The following AKAP19 variants were observed in gnomAD, a reference collection of about 807,000 sequenced individuals.
The protein encoded by AKAP19 is A-kinase anchoring protein 19.
chr2:189,981,271 GTCT>G, the AKAP19 span, among the ~76,000 whole-genome samples: 1 of 69,434 alleles, frequency 1.4e-5, no homozygotes, highest in East Asian at 5.5e-4. Flanking sequence ...ACCCTTCTTT[GTCT>G]TTTTTTTTTT....
At chr2:190,063,732 C>T in the AKAP19 span, among the ~76,000 whole-genome samples, 3 of 152,068 alleles carry the variant, frequency 2.0e-5, no homozygotes, top group Non-Finnish European at 2.9e-5. Flanking sequence ...TTGCCAATTT[C>T]TCATTTTGAC....
chr2:189,979,936 G>T, the AKAP19 span, among the ~76,000 whole-genome samples: 2 of 152,184 alleles, frequency 1.3e-5, no homozygotes, highest in Non-Finnish European at 2.9e-5. Flanking sequence ...TGGCAAGTAT[G>T]CAGTGAAAAG....
the AKAP19 span, among the ~76,000 whole-genome samples, chr2:189,956,084 A>G: frequency 6.6e-6 from 1 of 152,032 alleles, no homozygotes; most frequent in African/African-American, 2.4e-5. Context: ...TTATTTAAAG[A>G]TTATCAAAAA....
chr2:189,950,351 T>G, the AKAP19 span, among the ~76,000 whole-genome samples: 1 of 150,718 alleles, frequency 6.6e-6, no homozygotes, highest in African/African-American at 2.4e-5. Context: ...TTTTTTGTTT[T>G]TTTTTTTAAG....
chr2:190,015,436 C>T, the AKAP19 span, among the ~76,000 whole-genome samples: 1 of 152,172 alleles, frequency 6.6e-6, no homozygotes, highest in Non-Finnish European at 1.5e-5. Context: ...GGTGCCAAGT[C>T]CCGAGGCTGC....
the AKAP19 span, among the ~76,000 whole-genome samples, chr2:190,071,712 C>A: frequency 2.5e-4 from 38 of 151,924 alleles, no homozygotes; most frequent in African/African-American, 7.7e-4. Context: ...TATTATAAAT[C>A]TTTGTAAAAT....
chr2:190,145,102 T>C, the AKAP19 span, among the ~76,000 whole-genome samples: 1 of 152,064 alleles, frequency 6.6e-6, no homozygotes, highest in Non-Finnish European at 1.5e-5. Flanking sequence ...CTGGGCAATA[T>C]AGTGAGACTT....
At chr2:190,070,232 A>C in the AKAP19 span, among the ~76,000 whole-genome samples, 1 of 152,138 alleles carries the variant, frequency 6.6e-6, no homozygotes, top group East Asian at 1.9e-4. Flanking sequence ...TGTACTTTTG[A>C]AGCCCATTTG....
chr2:189,945,477 G>C, the AKAP19 span, among the ~76,000 whole-genome samples: 1 of 152,168 alleles, frequency 6.6e-6, no homozygotes, highest in African/African-American at 2.4e-5. Flanking sequence ...TAAGAAACTT[G>C]AAGCCAGAGT....
the AKAP19 span, among the ~76,000 whole-genome samples, chr2:189,892,587 C>G: frequency 2.6e-5 from 4 of 152,210 alleles, no homozygotes; most frequent in African/African-American, 9.7e-5. Context: ...AAATTGCTGC[C>G]TGTTCCTTCC....
the AKAP19 span, among the ~76,000 whole-genome samples, chr2:190,047,853 G>A: frequency 5.3e-5 from 8 of 152,174 alleles, no homozygotes; most frequent in African/African-American, 1.9e-4. Context: ...GAAAGGATGT[G>A]TAAATTTTTT....
the AKAP19 span, among the ~76,000 whole-genome samples, chr2:189,975,183 A>C: frequency 2.0e-5 from 3 of 152,044 alleles, no homozygotes; most frequent in Admixed American, 2.0e-4. Context: ...CTGGTGGTGA[A>C]AAAATCTCTC....
the AKAP19 span, among the ~76,000 whole-genome samples, chr2:190,141,968 C>G: frequency 6.6e-6 from 1 of 152,164 alleles, no homozygotes; most frequent in South Asian, 2.1e-4. Flanking sequence ...AAGGTGAGGT[C>G]TGGAAAGTCC....
At chr2:190,107,234 G>T in the AKAP19 span, among the ~76,000 whole-genome samples, 2 of 152,198 alleles carry the variant, frequency 1.3e-5, no homozygotes, top group African/African-American at 4.8e-5. Flanking sequence ...CTAGGTGTGT[G>T]ACTTTTAGGA....
At chr2:190,019,426 T>C in the AKAP19 span, among the ~76,000 whole-genome samples, 2 of 152,136 alleles carry the variant, frequency 1.3e-5, no homozygotes, top group African/African-American at 4.8e-5. Flanking sequence ...GGCATGAGGC[T>C]GGCCATCTAG....
the AKAP19 span, among the ~76,000 whole-genome samples, chr2:189,998,211 C>T: frequency 6.6e-6 from 1 of 152,028 alleles, no homozygotes; most frequent in African/African-American, 2.4e-5. Context: ...CTCAGTTTTC[C>T]TGGTATGTTC....
chr2:189,922,587 A>G, the AKAP19 span, among the ~76,000 whole-genome samples: 2 of 152,248 alleles, frequency 1.3e-5, no homozygotes, highest in African/African-American at 4.8e-5. Context: ...GTGGACATAC[A>G]CAGAGCAGCA....
At chr2:190,147,823 C>T in the AKAP19 span, among the ~76,000 whole-genome samples, 2 of 151,648 alleles carry the variant, frequency 1.3e-5, no homozygotes, top group Non-Finnish European at 2.9e-5. Flanking sequence ...TTGCTGTTGG[C>T]GTATAGAAGA....
the AKAP19 span, among the ~76,000 whole-genome samples, chr2:189,897,287 C>T: frequency 2.6e-5 from 4 of 152,090 alleles, no homozygotes; most frequent in Non-Finnish European, 5.9e-5. Flanking sequence ...CTAAGTATAA[C>T]AAACCTTGTT....
Sources: allele counts gnomAD v4.1 joint callset (sites outside exome capture counted in the v4.1 genomes callset), GRCh38; gene constraint gnomAD v4.1.1; transcripts MANE v1.5; gene names NCBI Gene and HGNC (gene_info 2026-07-23, HGNC 2026-07-21).